The following TMEM144 variants were observed in gnomAD, a reference collection of about 807,000 sequenced individuals.
The protein encoded by TMEM144 is transmembrane protein 144.
TMEM144 carries 39 observed loss-of-function variants against 43.6 expected under a neutral mutation model. The observed-to-expected ratio is 0.90, with a 90% confidence interval of 0.69 to 1.17. TMEM144 has a LOEUF of 1.17. TMEM144 is among the 50% of genes most tolerant of loss of function. TMEM144 has a pLI of 0.00. For missense variants in TMEM144, 417 were observed against 411.9 expected, an observed-to-expected ratio of 1.01 and a Z score of -0.11; for synonymous variants, 154 against 133.6, an observed-to-expected ratio of 1.15 and a Z score of -1.06.
intron 8 of TMEM144, 55 bp from the exon 9 acceptor site, chr4:158,237,470 T>G: frequency 7.4e-7 from 1 of 1,352,020 alleles, no homozygotes; most frequent in Non-Finnish European, 1.0e-6. Context: ...ATTTGTGCGT[T>G]TGTCAGAAAT....
chr4:158,227,722 A>G (rs1319511757), intron 6 of TMEM144, among the ~76,000 whole-genome samples: 1 of 152,096 alleles, frequency 6.6e-6, no homozygotes, highest in Non-Finnish European at 1.5e-5. Context: ...ATGTACAGAA[A>G]CTGGTCTGGG....
intron 4 of TMEM144, among the ~76,000 whole-genome samples, chr4:158,216,874 C>A (rs1458535536): frequency 6.7e-6 from 1 of 150,076 alleles, no homozygotes; most frequent in Non-Finnish European, 1.5e-5. Flanking sequence ...ACCCTCAAAA[C>A]ATAAGAGAAT....
intron 6 of TMEM144, among the ~76,000 whole-genome samples, chr4:158,221,436 A>G (rs534704825): frequency 6.6e-6 from 1 of 152,316 alleles, no homozygotes; most frequent in Middle Eastern, 3.4e-3. Flanking sequence ...TGGGAAATGT[A>G]ATTTTCAGTC....
At chr4:158,246,524 AT>A (rs760636037) in intron 12 of TMEM144, among the ~76,000 whole-genome samples, 1 of 152,208 alleles carries the variant, frequency 6.6e-6, no homozygotes, top group Non-Finnish European at 1.5e-5. Flanking sequence ...TGTTTCAAAA[AT>A]ATGTGGACTA....
intron 6 of TMEM144, among the ~76,000 whole-genome samples, chr4:158,230,295 T>C (rs946387915): frequency 6.6e-6 from 1 of 152,164 alleles, no homozygotes; most frequent in African/African-American, 2.4e-5. Flanking sequence ...TTCCTGACCG[T>C]TATTATGTCA....
chr4:158,219,447 T>A, intron 6 of TMEM144, 57 bp downstream of exon 6: 1 of 1,481,144 alleles, frequency 6.8e-7, no homozygotes, highest in Non-Finnish European at 9.4e-7. Context: ...AGTGCTTTTT[T>A]AAGGATCCTG....
At chr4:158,212,002 C>T (rs1370895746) in intron 2 of TMEM144, 1 of 152,090 alleles carries the variant, frequency 6.6e-6, no homozygotes, top group Non-Finnish European at 1.5e-5. Flanking sequence ...GAAGTTATTA[C>T]TATAACATTA....
chr4:158,243,411 T>C (rs1366413726), intron 11 of TMEM144, among the ~76,000 whole-genome samples: 1 of 152,218 alleles, frequency 6.6e-6, no homozygotes, highest in Admixed American at 6.5e-5. Flanking sequence ...TCAGTCCTTT[T>C]GTCAGTTGGA....
chr4:158,249,660 G>C (rs191000393), intron 12 of TMEM144, among the ~76,000 whole-genome samples: 2 of 152,168 alleles, frequency 1.3e-5, no homozygotes, highest in African/African-American at 4.8e-5. Context: ...ATGTATTCAC[G>C]TAATTAGATT....
At chr4:158,212,262 T>G (rs2111096343) in intron 2 of TMEM144, 1 of 153,726 alleles carries the variant, frequency 6.5e-6, no homozygotes, top group African/African-American at 2.4e-5. Context: ...TTATTTGTGG[T>G]TTTAGTCCTT....
intron 12 of TMEM144, among the ~76,000 whole-genome samples, chr4:158,252,403 C>T (rs1736252200): frequency 6.6e-6 from 1 of 152,174 alleles, no homozygotes; most frequent in African/African-American, 2.4e-5. Context: ...ACTACAGTCA[C>T]CTCCTAATTG....
intron 6 of TMEM144, among the ~76,000 whole-genome samples, chr4:158,223,559 C>T (rs190883554): frequency 1.3e-5 from 2 of 152,250 alleles, no homozygotes; most frequent in Non-Finnish European, 2.9e-5. Flanking sequence ...AGTTCCCTCC[C>T]CTTGCCCACC....
chr4:158,220,543 A>C (rs184160129), intron 6 of TMEM144, among the ~76,000 whole-genome samples: 123 of 152,294 alleles, frequency 8.1e-4, no homozygotes, highest in Non-Finnish European at 1.6e-3. Flanking sequence ...ACTTCCACCT[A>C]TGTGGCCATG....
intron 12 of TMEM144, among the ~76,000 whole-genome samples, chr4:158,247,014 C>G (rs545376470): frequency 6.6e-6 from 1 of 151,794 alleles, no homozygotes; most frequent in Non-Finnish European, 1.5e-5. Flanking sequence ...TTGGTAAAGA[C>G]ATCTTTAAAA....
Position 158,253,649 on chromosome 4 carries a change from G to C in TMEM144, c.*122G>C, listed in dbSNP as rs1736330502. On this transcript the variant is annotated 3_prime_UTR_variant, in exon 13 of 13. Coordinates refer to ENST00000296529, the MANE Select transcript of TMEM144 (RefSeq NM_018342.5). ...CAAATGGATCTCAGCCACTGTTGGAGTGGGTAAATGATTTTTTTCCCCAAA... is the reference window on the plus strand; with the variant it reads ...CAAATGGATCTCAGCCACTGTTGGACTGGGTAAATGATTTTTTTCCCCAAA... 1.4e-6 allele frequency: 1 copy of C among 712,094 alleles called. No individual in the cohort carries two copies. The highest frequency in any genetic ancestry group is 2.3e-6 in the Non-Finnish European group (1 of 435,626). The allele number at this position is 712,094 out of a possible 1,614,324, so 44.1% of individuals were successfully genotyped here.
chr4:158,214,059 T>TA (rs1354195936), intron 3 of TMEM144: 5 of 152,142 alleles, frequency 3.3e-5, no homozygotes, highest in African/African-American at 9.7e-5. Flanking sequence ...TTTGGGGAGA[T>TA]AGAGTCTCAC....
intron 12 of TMEM144, among the ~76,000 whole-genome samples, chr4:158,252,370 C>T (rs1174744543): frequency 6.6e-6 from 1 of 152,162 alleles, no homozygotes; most frequent in African/African-American, 2.4e-5. Flanking sequence ...TCCATCTACC[C>T]ATCATCATCT....
chr4:158,246,639 TC>T (rs1735905159), intron 12 of TMEM144, among the ~76,000 whole-genome samples: 1 of 152,112 alleles, frequency 6.6e-6, no homozygotes, highest in African/African-American at 2.4e-5. Context: ...TAGTCAGAGT[TC>T]CTTTCTACAA....
intron 11 of TMEM144, among the ~76,000 whole-genome samples, chr4:158,243,496 A>G (rs58473098): frequency 0.029 from 4,488 of 152,274 alleles, 152 homozygotes; most frequent in African/African-American, 0.088. Context: ...AAGAGCAATC[A>G]TAAAAATGCT....
Sources: allele counts gnomAD v4.1 joint callset (sites outside exome capture counted in the v4.1 genomes callset), GRCh38; gene constraint gnomAD v4.1.1; transcripts MANE v1.5; gene names NCBI Gene and HGNC (gene_info 2026-07-23, HGNC 2026-07-21).